Variants in NR1H4 observed in about 807,000 individuals in gnomAD.
NR1H4 encodes the protein nuclear receptor subfamily 1 group H member 4, also known as bile acid receptor.
A neutral mutation model predicts 58.5 loss-of-function variants in NR1H4; 23 were observed. The ratio of observed to expected loss-of-function variants is 0.39; its 90% CI spans 0.28 to 0.56. The LOEUF (loss-of-function observed/expected upper bound fraction) is 0.56. Ranked by LOEUF, NR1H4 falls within the 20% of genes least tolerant of loss-of-function variation. NR1H4 has a pLI of 0.58. For missense variants in NR1H4, 487 were observed against 576.9 expected (o/e 0.84, Z 1.60); for synonymous variants, 214 against 198.0 (o/e 1.08, Z -0.68).
intron 3 of NR1H4, among the ~76,000 whole-genome samples, chr12:100,506,042 C>G (rs57316844): frequency 0.025 from 2,960 of 117,354 alleles, 62 homozygotes; most frequent in African/African-American, 0.06. Flanking sequence ...CACACACACA[C>G]AGAGAGAGAG....
intron 1 of NR1H4, among the ~76,000 whole-genome samples, chr12:100,477,747 G>A (rs903501319): frequency 2.6e-5 from 4 of 152,178 alleles, no homozygotes; most frequent in Admixed American, 6.5e-5. Context: ...CAGTGTAGAC[G>A]ACAAGTTGAT....
chr12:100,478,825 G>A (rs562272172), intron 1 of NR1H4, among the ~76,000 whole-genome samples: 2 of 152,246 alleles, frequency 1.3e-5, no homozygotes, highest in South Asian at 4.2e-4. Context: ...CACTGCTAAA[G>A]AGCCCTCCAA....
At chr12:100,477,838 C>T (rs1273610701) in intron 1 of NR1H4, among the ~76,000 whole-genome samples, 2 of 152,136 alleles carry the variant, frequency 1.3e-5, no homozygotes, top group Non-Finnish European at 2.9e-5. Context: ...AATGTCATTC[C>T]AAAGTGGTCA....
At chr12:100,507,055 G>GA (rs1302442740) in intron 3 of NR1H4, among the ~76,000 whole-genome samples, 1 of 152,018 alleles carries the variant, frequency 6.6e-6, no homozygotes, top group Non-Finnish European at 1.5e-5. Flanking sequence ...CATATGAGGA[G>GA]AAAAAAAGTA....
chr12:100,520,765 A>C (rs572112153), intron 4 of NR1H4, among the ~76,000 whole-genome samples: 1 of 152,328 alleles, frequency 6.6e-6, no homozygotes, highest in East Asian at 1.9e-4. Flanking sequence ...AAAGTCTTAC[A>C]AGGGCATCTC....
chr12:100,543,422 G>A (rs1954983421), intron 9 of NR1H4, among the ~76,000 whole-genome samples: 1 of 152,156 alleles, frequency 6.6e-6, no homozygotes, highest in South Asian at 2.1e-4. Flanking sequence ...TAGGAGGCAA[G>A]AAGTCTCAAA....
At chr12:100,545,008 G>A (rs1175794716) in intron 9 of NR1H4, among the ~76,000 whole-genome samples, 2 of 152,172 alleles carry the variant, frequency 1.3e-5, no homozygotes, top group Non-Finnish European at 2.9e-5. Context: ...AAAGAGGGGT[G>A]CAATGTCTGC....
chr12:100,514,458 A>T (rs1052574175), intron 4 of NR1H4, among the ~76,000 whole-genome samples: 1 of 152,182 alleles, frequency 6.6e-6, no homozygotes, highest in Non-Finnish European at 1.5e-5. Flanking sequence ...GACACTATTG[A>T]CATTTTAGGC....
intron 9 of NR1H4, among the ~76,000 whole-genome samples, chr12:100,559,837 T>C (rs1353728835): frequency 6.6e-6 from 1 of 152,252 alleles, no homozygotes; most frequent in African/African-American, 2.4e-5. Flanking sequence ...TGAAGCCAGC[T>C]GGGCTCCTGA....
chr12:100,519,536 T>C (rs1472189337), intron 4 of NR1H4, among the ~76,000 whole-genome samples: 1 of 152,170 alleles, frequency 6.6e-6, no homozygotes, highest in Non-Finnish European at 1.5e-5. Context: ...GTCTCCTTCA[T>C]TCAGCTCAGG....
intron 4 of NR1H4, among the ~76,000 whole-genome samples, chr12:100,513,801 AAAGGAAGGAAGG>A (rs199813041): frequency 0.13 from 15,514 of 115,810 alleles, 1,388 homozygotes; most frequent in Middle Eastern, 0.22. Flanking sequence ...TCAAAGACAG[AAAGGAAGGAAGG>A]AAGGAAGGAA....
intron 8 of NR1H4, among the ~76,000 whole-genome samples, chr12:100,537,459 C>T (rs1465223422): frequency 6.6e-6 from 1 of 152,142 alleles, no homozygotes; most frequent in Non-Finnish European, 1.5e-5. Flanking sequence ...GATACCTACT[C>T]TATACTAAGT....
At chr12:100,520,571 A>T (rs1300144003) in intron 4 of NR1H4, among the ~76,000 whole-genome samples, 1 of 152,154 alleles carries the variant, frequency 6.6e-6, no homozygotes, top group Non-Finnish European at 1.5e-5. Flanking sequence ...CTTCACTGGC[A>T]ATCACTAACT....
At chr12:100,503,486 G>A in intron 3 of NR1H4, 2 of 1,595,826 alleles carry the variant, frequency 1.3e-6, no homozygotes, top group Non-Finnish European at 8.5e-7. Flanking sequence ...TGAGTATGAA[G>A]CCCGCGAAAG....
intron 3 of NR1H4, among the ~76,000 whole-genome samples, chr12:100,494,086 A>G (rs1953660032): frequency 6.6e-6 from 1 of 152,204 alleles, no homozygotes; most frequent in Non-Finnish European, 1.5e-5. Flanking sequence ...CTTCTGCATA[A>G]TAGCCCTGCT....
At chr12:100,482,624 TACAATGGTAACACC>T (rs1218714347) in intron 1 of NR1H4, among the ~76,000 whole-genome samples, 2 of 152,156 alleles carry the variant, frequency 1.3e-5, no homozygotes, top group Non-Finnish European at 2.9e-5. Flanking sequence ...AAGGTTGAAT[TACAATGGTAACACC>T]ACTGCAAAGA....
At chr12:100,535,073 A>G (rs1417859783) in intron 6 of NR1H4, 50 bp downstream of exon 6, 2 of 1,610,384 alleles carry the variant, frequency 1.2e-6, no homozygotes, top group Admixed American at 1.7e-5. Context: ...CTGAGTTTCT[A>G]GGTACATAGT....
At chr12:100,524,675 G>T (rs1378578305) in intron 4 of NR1H4, among the ~76,000 whole-genome samples, 2 of 152,166 alleles carry the variant, frequency 1.3e-5, no homozygotes, top group Non-Finnish European at 2.9e-5. Context: ...ATGGTAAGAA[G>T]GGCATATCAT....
chr12:100,536,181 A>G (rs1954807760), intron 6 of NR1H4, among the ~76,000 whole-genome samples: 1 of 152,202 alleles, frequency 6.6e-6, no homozygotes, highest in African/African-American at 2.4e-5. Context: ...TTCATTAGTT[A>G]TAATTAAAGC....
Sources: allele counts gnomAD v4.1 joint callset (sites outside exome capture counted in the v4.1 genomes callset), GRCh38; gene constraint gnomAD v4.1.1; transcripts MANE v1.5; gene names NCBI Gene and HGNC (gene_info 2026-07-23, HGNC 2026-07-21).